Variants in FSTL4 observed in about 807,000 individuals in gnomAD.
The protein encoded by FSTL4 is follistatin like 4.
In FSTL4, 28 loss-of-function variants were observed where a neutral mutation model predicts 78.2. The observed-to-expected ratio is 0.36, with a 90% CI of 0.27 to 0.49. FSTL4 has a LOEUF of 0.49. Among genes scored for constraint, FSTL4 ranks in the 20% least tolerant of loss-of-function variants. The pLI is 0.98. For missense variants in FSTL4, 922 were observed against 1,084.9 expected, an observed-to-expected ratio of 0.85 and a Z score of 2.11; for synonymous variants, 422 against 440.5, an observed-to-expected ratio of 0.96 and a Z score of 0.53.
At chr5:133,653,507 C>A in the FSTL4 span, among the ~76,000 whole-genome samples, 4 of 152,356 alleles carry the variant, frequency 2.6e-5, no homozygotes, top group Admixed American at 2.0e-4. Context: ...CTAGCATCTT[C>A]TTCCTCCCGC....
intron 8 of FSTL4, among the ~76,000 whole-genome samples, chr5:133,226,802 TTAGAA>T (rs1487547628): frequency 6.6e-6 from 1 of 152,156 alleles, no homozygotes; most frequent in African/African-American, 2.4e-5. Flanking sequence ...TCCCAGTACT[TTAGAA>T]TAGAGAAGAT....
the FSTL4 span, among the ~76,000 whole-genome samples, chr5:133,734,824 C>T: frequency 9.2e-5 from 14 of 152,194 alleles, no homozygotes; most frequent in South Asian, 8.3e-4. Flanking sequence ...CCTGGTTATC[C>T]GTGTGTCAGA....
At chr5:133,823,587 G>A in the FSTL4 span, among the ~76,000 whole-genome samples, 1 of 152,170 alleles carries the variant, frequency 6.6e-6, no homozygotes, top group Non-Finnish European at 1.5e-5. Context: ...GAGGCAGTAT[G>A]GTGTCCCGGA....
chr5:133,257,738 G>A (rs1752416705), intron 6 of FSTL4, among the ~76,000 whole-genome samples: 1 of 152,124 alleles, frequency 6.6e-6, no homozygotes, highest in South Asian at 2.1e-4. Flanking sequence ...TCACAGTGCT[G>A]CATACCAGCT....
In FSTL4 at chr5:133,269,181, T is replaced by C. The variant is rs541117065; in HGVS notation, c.728-19605A>G. Among the ~76,000 whole-genome samples the C allele has an allele frequency of 3.6e-5, 4 of 109,714 alleles. No homozygotes were observed. In the South Asian group the frequency reaches 1.1e-3, roughly 30 times the overall value. 72.0% of individuals were successfully genotyped at this position (109,714 alleles called of 152,430 possible). A position where few individuals can be genotyped will look rare whatever the true frequency, so the allele number is the denominator to read the frequency against. ...GCCTGGGCGATGGAGCGAGACTCCA[T>C]CTCAAAAAAAAAAAAAAAAAAAAAG... On this transcript the variant is annotated intron_variant, in intron 6 of 15. Coordinates refer to ENST00000265342, the MANE Select transcript of FSTL4 (RefSeq NM_015082.2).
chr5:133,400,916 C>G lies in FSTL4; in HGVS notation c.231G>C (p.Val77=). 6.2e-7 allele frequency: 1 copy of G among 1,613,692 alleles called. No individual in the cohort carries two copies. Among genetic ancestry groups the G allele is most frequent in the Non-Finnish European group, 8.5e-7 (1 of 1,180,030 alleles). ...KKFCSRGSRC[V]LSRKTGEPEC... ...CGGGCTCCCCTGTCTTCCTGCTGAG[C>G]ACGCACCGGCTCCCTCGGCTGCAGA... The change falls in exon 4 of 16, where the codon GTG becomes GTC. Residue 77 remains valine (V), a synonymous_variant. Coordinates refer to ENST00000265342, the MANE Select transcript of FSTL4 (RefSeq NM_015082.2).
At chr5:133,683,645 G>A in the FSTL4 span, among the ~76,000 whole-genome samples, 1 of 152,042 alleles carries the variant, frequency 6.6e-6, no homozygotes, top group Admixed American at 6.5e-5. Flanking sequence ...ATTCCTAACT[G>A]GCCATTTATT....
At position 133,217,255 on chromosome 5, in the gene FSTL4, C is replaced by T. The variant is rs199996754; in HGVS notation, c.1582G>A (p.Asp528Asn). Residue 528 changes from aspartate (D) to asparagine (N), a missense_variant, in exon 13 of 16, where the codon GAC (aspartate) becomes AAC (asparagine). Physicochemically the swap from Asp to Asn is conservative, Grantham distance 23 (BLOSUM62 1). Transcript: ENST00000265342. ...TGTAGGACTTTCTGGGCTTGGATGT[C>T]GACCACAAGGACTCTGCTCAGTGCT... is the stretch of plus-strand genomic sequence containing the variant. Reference protein sequence around the residue: ...QPALSRVLVVDIQAQKVLQSI... With the variant: ...QPALSRVLVVNIQAQKVLQSI... 19 of 1,613,840 alleles carry T rather than the reference C, an allele frequency of 1.2e-5. No homozygotes were observed. Among genetic ancestry groups the T allele is most frequent in the African/African-American group, 2.7e-5 (2 of 74,934 alleles).
At chr5:133,456,766 C>T (rs1449972797) in intron 3 of FSTL4, among the ~76,000 whole-genome samples, 2 of 152,160 alleles carry the variant, frequency 1.3e-5, no homozygotes, top group African/African-American at 4.8e-5. Context: ...ATGCAATTTT[C>T]TTCACTATGG....
At chr5:133,306,373 A>C (rs1467192337) in intron 6 of FSTL4, among the ~76,000 whole-genome samples, 1 of 152,260 alleles carries the variant, frequency 6.6e-6, no homozygotes, top group African/African-American at 2.4e-5. Flanking sequence ...CCAGCCGACC[A>C]GAGCACTTAC....
At chr5:133,794,389 G>A in the FSTL4 span, among the ~76,000 whole-genome samples, 2 of 152,328 alleles carry the variant, frequency 1.3e-5, no homozygotes, top group South Asian at 2.1e-4. Flanking sequence ...CAGCTCATTA[G>A]TGTGGCTGAC....
At chr5:133,664,482 G>T in the FSTL4 span, among the ~76,000 whole-genome samples, 2 of 152,170 alleles carry the variant, frequency 1.3e-5, no homozygotes, top group African/African-American at 4.8e-5. Context: ...CACGAGGTGA[G>T]TCAGAAGCAA....
intron 6 of FSTL4, among the ~76,000 whole-genome samples, chr5:133,283,654 T>C (rs1224547992): frequency 6.6e-6 from 1 of 152,120 alleles, no homozygotes; most frequent in East Asian, 1.9e-4. Context: ...ATAAGGTGCA[T>C]TTGCCAGGGG....
At chr5:133,359,558 G>A (rs769520576) in intron 4 of FSTL4, among the ~76,000 whole-genome samples, 3 of 152,332 alleles carry the variant, frequency 2.0e-5, no homozygotes, top group African/African-American at 7.2e-5. Flanking sequence ...GGAAAGCACC[G>A]GGAGGAAAGT....
intron 8 of FSTL4, among the ~76,000 whole-genome samples, chr5:133,229,050 G>C (rs986695576): frequency 1.3e-5 from 2 of 152,164 alleles, no homozygotes; most frequent in Non-Finnish European, 2.9e-5. Flanking sequence ...TTATACACCA[G>C]CAATGGCCAG....
the FSTL4 span, among the ~76,000 whole-genome samples, chr5:133,814,898 G>A: frequency 1.3e-5 from 2 of 152,202 alleles, no homozygotes; most frequent in African/African-American, 4.8e-5. Flanking sequence ...TTCTCAAATT[G>A]TGCTCCAATT....
At chr5:133,799,405 A>T in the FSTL4 span, among the ~76,000 whole-genome samples, 8 of 137,358 alleles carry the variant, frequency 5.8e-5, 2 homozygotes, top group Non-Finnish European at 1.3e-4. Context: ...CGGTGCTCAG[A>T]GACTCAGGAA....
At chr5:133,379,728 G>A (rs1339107859) in intron 4 of FSTL4, among the ~76,000 whole-genome samples, 6 of 152,168 alleles carry the variant, frequency 3.9e-5, no homozygotes, top group Non-Finnish European at 4.4e-5. Context: ...CAAAACTTAC[G>A]AGATGTAGTA....
At chr5:133,370,756 G>A (rs1755277777) in intron 4 of FSTL4, among the ~76,000 whole-genome samples, 1 of 152,108 alleles carries the variant, frequency 6.6e-6, no homozygotes, top group Admixed American at 6.5e-5. Context: ...TGAGTCAGAG[G>A]CTCAGGCAGC....
Sources: gnomAD v4.1 joint callset for allele counts (sites outside exome capture counted in the v4.1 genomes callset) on GRCh38, gnomAD v4.1.1 for gene constraint, MANE v1.5 for transcripts, NCBI Gene and HGNC (gene_info 2026-07-23, HGNC 2026-07-21) for gene names.